The following TGM5 variants were observed in gnomAD, a reference collection of about 807,000 sequenced individuals.
The protein encoded by TGM5 is protein-glutamine gamma-glutamyltransferase 5.
A neutral mutation model predicts 77.2 loss-of-function variants in TGM5; 69 were observed. That is an observed-to-expected ratio of 0.89 (90% CI 0.74 to 1.09). The LOEUF is 1.09. Ranked by LOEUF, TGM5 falls within the 50% of genes least tolerant of loss-of-function variation. The probability of loss-of-function intolerance (pLI) is 0.00; values close to 1 mark genes in which losing one functional copy is unlikely to be tolerated. For synonymous variants in TGM5, 346 were observed against 351.8 expected (o/e 0.98, Z 0.18); for missense variants, 842 against 896.5 (o/e 0.94, Z 0.78).
chr15:43,252,611 C>A, intron 6 of TGM5, 148 bp downstream of exon 6: 1 of 1,055,906 alleles, frequency 9.5e-7, no homozygotes, highest in South Asian at 1.5e-5. Flanking sequence ...CCACCGTGCC[C>A]GGCCGAGACA....
chr15:43,234,723 C>T (rs756783261), intron 11 of TGM5, 46 bp downstream of exon 11: 10 of 1,613,242 alleles, frequency 6.2e-6, no homozygotes, highest in Non-Finnish European at 8.5e-6. Flanking sequence ...CCCCTCCCCG[C>T]CAGATCCAAG....
intron 1 of TGM5, among the ~76,000 whole-genome samples, chr15:43,264,111 T>C (rs1312145897): frequency 6.6e-6 from 1 of 152,170 alleles, no homozygotes; most frequent in African/African-American, 2.4e-5. Flanking sequence ...TACCATCTCG[T>C]ATCTCCTAGG....
rs759055506 is a variant in TGM5 at position 43,234,936 on chromosome 15, A to G, written c.1715-7T>C. On this transcript the variant is annotated splice_polypyrimidine_tract_variant and splice_region_variant and intron_variant, in intron 10 of 12. Transcript: ENST00000220420. ...TTGCAGGGGTAGGTCTTTGCTAAAG[A>G]AAGAACACAAGGATGGGGTGAGAGT... 6.2e-7 allele frequency: 1 copy of G among 1,613,848 alleles called. No individual in the cohort carries two copies. Among genetic ancestry groups the G allele is most frequent in the Admixed American group, 1.7e-5 (1 of 60,022 alleles).
chr15:43,236,879 G>T (rs552717183), intron 9 of TGM5, among the ~76,000 whole-genome samples: 2 of 149,704 alleles, frequency 1.3e-5, no homozygotes, highest in South Asian at 4.2e-4. Context: ...TGAGACAGGA[G>T]AATTGCTTGA....
intron 7 of TGM5, chr15:43,239,479 C>G: frequency 1.8e-6 from 1 of 543,170 alleles, no homozygotes; most frequent in Non-Finnish European, 3.3e-6. Context: ...CTCAGGAGTT[C>G]AAGATTAACC....
chr15:43,233,325 G>A lies in TGM5; in HGVS notation c.2029C>T (p.Gln677Ter), dbSNP rs886406235. Residue 677 changes from glutamine (Q) to a stop codon, truncating the protein, a stop_gained, in exon 13 of 13, where the codon CAA becomes TAA. Transcript: ENST00000220420. LOFTEE classifies it high-confidence loss of function. ...QKVFLGVLKP[Q>*]HQASIILETV... is the part of the protein sequence containing the mutation. ...TCCAGAATGATGCTTGCTTGGTGTT[G>A]GGGTTTGAGGACTCCAAGGCTGCAA... 6.2e-7 allele frequency: 1 copy of A among 1,613,902 alleles called. No homozygotes were observed. The highest frequency in any genetic ancestry group is 8.5e-7 in the Non-Finnish European group (1 of 1,180,030).
intron 6 of TGM5, among the ~76,000 whole-genome samples, chr15:43,244,231 C>A (rs2042656845): frequency 6.6e-6 from 1 of 152,238 alleles, no homozygotes; most frequent in South Asian, 2.1e-4. Context: ...CTTACCTTGT[C>A]TGCCAAATTA....
intron 7 of TGM5, chr15:43,239,664 A>C: frequency 4.0e-6 from 1 of 249,702 alleles, no homozygotes; most frequent in Non-Finnish European, 7.9e-6. Context: ...GCAAAGCCAG[A>C]CCTTGTCTCA....
In TGM5 at chr15:43,235,647, C is replaced by T. The variant is rs2042583966; in HGVS notation, c.1536G>A (p.Lys512=). 9 of 1,614,006 alleles carry T rather than the reference C, an allele frequency of 5.6e-6. No homozygotes were observed. The African/African-American group carries it at 8.0e-5, about 14-fold the overall frequency. ...GGCCCATGTTGGGCGGGTCGAGCAG[C>T]TTGAATTTCAGGGAGACTTGCACCA... The part of the protein sequence containing the change: ...SDVVQVSLKF[K]LLDPPNMGQD... Residue 512 remains lysine, a synonymous_variant, in exon 10 of 13, where the codon AAG becomes AAA. Transcript: ENST00000220420.
chr15:43,260,007 C>CT (rs751825138), intron 3 of TGM5, 45 bp downstream of exon 3: 19 of 1,611,638 alleles, frequency 1.2e-5, no homozygotes, highest in Middle Eastern at 2.2e-4. Context: ...TCTGGCAGCA[C>CT]TGACAGAAGA....
At chr15:43,238,758 G>C in intron 9 of TGM5, 59 bp downstream of exon 9, 1 of 1,601,402 alleles carries the variant, frequency 6.2e-7, no homozygotes, top group African/African-American at 1.3e-5. Context: ...TGGCTCCCTG[G>C]GGTAGGGGAA....
In TGM5 at chr15:43,233,773, C is replaced by T. The variant is rs1566826732; in HGVS notation, c.1876-86G>A. 3 of 1,504,722 alleles carry T rather than the reference C, an allele frequency of 2.0e-6. No individual in the cohort carries two copies. The Admixed American group carries it at 5.7e-5, about 28-fold the overall frequency. The allele number at this position is 1,504,722 out of a possible 1,614,324, so 93.2% of individuals were successfully genotyped here. A position where few individuals can be genotyped will look rare whatever the true frequency, so the allele number is the denominator to read the frequency against. ...CGAAGGGCACCATTCTGTAAGGTGG[C>T]AGGATATGCCACCTCCAAATATGCC... On this transcript the variant is annotated intron_variant, in intron 11 of 12. Transcript: ENST00000220420.
In TGM5 at chr15:43,264,629, G is replaced by A. The variant is rs374265036; in HGVS notation, c.10+2211C>T. Among the ~76,000 whole-genome samples, 311 of 152,258 alleles carry A rather than the reference G, an allele frequency of 2.0e-3. 2 individuals carry two copies. Among genetic ancestry groups the A allele is most frequent in the African/African-American group, 6.9e-3 (288 of 41,550 alleles). ...GAGCTAAAGAAAGGTGGAATGGGACGTGACTGCCAATGTGTATGGGATTTC... is the reference window on the plus strand; with the variant it reads ...GAGCTAAAGAAAGGTGGAATGGGACATGACTGCCAATGTGTATGGGATTTC... On this transcript the variant is annotated intron_variant, in intron 1 of 12. Coordinates refer to ENST00000220420, the MANE Select transcript of TGM5 (RefSeq NM_201631.4).
At chr15:43,261,924 C>A (rs2042792913) in intron 1 of TGM5, among the ~76,000 whole-genome samples, 1 of 152,150 alleles carries the variant, frequency 6.6e-6, no homozygotes. Flanking sequence ...CTGAGATCTC[C>A]TACAGTCTGC....
At chr15:43,235,912 C>G in intron 9 of TGM5, 75 bp from the exon 10 acceptor site, 1 of 1,591,708 alleles carries the variant, frequency 6.3e-7, no homozygotes, top group Non-Finnish European at 8.5e-7. Context: ...CGCCATCCCC[C>G]ACCCAATATC....
At chr15:43,266,592 C>A (rs1257087723) in intron 1 of TGM5, among the ~76,000 whole-genome samples, 1 of 152,198 alleles carries the variant, frequency 6.6e-6, no homozygotes, top group African/African-American at 2.4e-5. Context: ...TGCCCTGTCC[C>A]ACCTGGCTAT....
chr15:43,263,586 T>C (rs534842639), intron 1 of TGM5, among the ~76,000 whole-genome samples: 1 of 152,358 alleles, frequency 6.6e-6, no homozygotes, highest in African/African-American at 2.4e-5. Flanking sequence ...CAAAAAGTGG[T>C]GCTGGGACAA....
intron 2 of TGM5, 29 bp downstream of exon 2, chr15:43,260,371 A>G: frequency 6.2e-7 from 1 of 1,614,152 alleles, no homozygotes; most frequent in Non-Finnish European, 8.5e-7. Flanking sequence ...AGACACACAC[A>G]GCCCCTGTGA....
chr15:43,260,466 T>C lies in TGM5; in HGVS notation c.124A>G (p.Thr42Ala). The change falls in exon 2 of 13, where the codon ACC becomes GCC. Residue 42 changes from threonine (T) to alanine (A), a missense_variant. Transcript: ENST00000220420. Reference sequence around the variant, plus strand: ...AAGCTCCGGTTCCTGAAGTACAGGGTGAGGTTGAAGGCCTGGCCCCGGCGA... The same window carrying C: ...AAGCTCCGGTTCCTGAAGTACAGGGCGAGGTTGAAGGCCTGGCCCCGGCGA... ...LVRRGQAFNL[T>A]LYFRNRSFQP... is the part of the protein sequence containing the mutation. 1 of 1,614,044 alleles carries C rather than the reference T, an allele frequency of 6.2e-7. No individual in the cohort carries two copies. Among genetic ancestry groups the C allele is most frequent in the Non-Finnish European group, 8.5e-7 (1 of 1,180,004 alleles).
Sources: allele counts gnomAD v4.1 joint callset (sites outside exome capture counted in the v4.1 genomes callset), GRCh38; gene constraint gnomAD v4.1.1; transcripts MANE v1.5; gene names NCBI Gene and HGNC (gene_info 2026-07-23, HGNC 2026-07-21).